Variants in SRP72 observed in about 807,000 individuals in gnomAD.
SRP72 encodes the protein signal recognition particle 72, also known as signal recognition particle subunit SRP72.
SRP72 carries 49 observed loss-of-function variants against 96.3 expected under a neutral mutation model. That is an observed-to-expected ratio of 0.51 (90% CI 0.40 to 0.65). The LOEUF is 0.65. Ranked by LOEUF, SRP72 falls within the 30% of genes least tolerant of loss-of-function variation. The pLI, the probability that SRP72 is intolerant of heterozygous loss-of-function variation, is 0.00. For synonymous variants in SRP72, 267 were observed against 275.2 expected, an observed-to-expected ratio of 0.97 and a Z score of 0.30; for missense variants, 736 against 793.3, an observed-to-expected ratio of 0.93 and a Z score of 0.87.
intron 18 of SRP72, 101 bp from the exon 19 acceptor site, chr4:56,501,582 TG>T: frequency 1.0e-6 from 1 of 969,756 alleles, no homozygotes; most frequent in Non-Finnish European, 1.5e-6. Context: ...AGAAAATGTG[TG>T]GGAGATTGTT....
chr4:56,474,834 G>A (rs1258198541), intron 5 of SRP72, among the ~76,000 whole-genome samples: 5 of 152,158 alleles, frequency 3.3e-5, no homozygotes, highest in Non-Finnish European at 7.4e-5. Flanking sequence ...ACAGGCGCAT[G>A]CCAGAAATGC....
Position 56,478,598 on chromosome 4 carries a change from A to G in SRP72, c.774A>G (p.Thr258=), listed in dbSNP as rs751757985. Residue 258 remains threonine (T), a synonymous_variant, in exon 8 of 19, where the codon ACA becomes ACG. Transcript: ENST00000642900. ...TGTTGCTTGTTGTTCACAGACCAAC[A>G]GATGTGGGATTACTAGCTGTAATTG... ...LYNQIIKLKP[T]DVGLLAVIAN... The G allele has an allele frequency of 1.2e-6, 2 of 1,614,094 alleles. No homozygotes were observed. Among genetic ancestry groups the G allele is most frequent in the Admixed American group, 3.3e-5 (2 of 60,028 alleles).
At chr4:56,498,727 C>T (rs1007182098) in intron 17 of SRP72, among the ~76,000 whole-genome samples, 5 of 152,136 alleles carry the variant, frequency 3.3e-5, no homozygotes, top group African/African-American at 1.2e-4. Flanking sequence ...TGTGAAGGAC[C>T]TCTTCAAGGA....
Position 56,502,722 on chromosome 4 carries a change from C to T in SRP72, c.*861C>T, listed in dbSNP as rs1445826059. Reference sequence around the variant, plus strand: ...TTATCAAGAACATGAACATTGGCTTCCTCCATAGAGAAGAAATCAGTATCT... The same window carrying T: ...TTATCAAGAACATGAACATTGGCTTTCTCCATAGAGAAGAAATCAGTATCT... On this transcript the variant is annotated 3_prime_UTR_variant, in exon 19 of 19. Coordinates refer to ENST00000642900, the MANE Select transcript of SRP72 (RefSeq NM_006947.4). 6.6e-6 allele frequency: 1 copy of T among 151,934 alleles called. No individual in the cohort carries two copies. The highest frequency in any genetic ancestry group is 1.5e-5 in the Non-Finnish European group (1 of 67,986). The allele number at this position is 151,934 out of a possible 1,614,324, so 9.4% of individuals were successfully genotyped here. A position where few individuals can be genotyped will look rare whatever the true frequency, so the allele number is the denominator to read the frequency against.
Position 56,497,020 on chromosome 4 carries a change from A to G in SRP72, c.1678+1626A>G, listed in dbSNP as rs555231273. On this transcript the variant is annotated intron_variant, in intron 17 of 18. Transcript: ENST00000642900. Reference sequence around the variant, plus strand: ...AAAAAAAAGCATGCTCCCAGAGACAATTACTTAACTTTTTTATGTGTGTTT... The same window carrying G: ...AAAAAAAAGCATGCTCCCAGAGACAGTTACTTAACTTTTTTATGTGTGTTT... Among the ~76,000 whole-genome samples the G allele has an allele frequency of 2.6e-5, 4 of 152,160 alleles. No homozygotes were observed. The East Asian group carries it at 5.8e-4, about 22-fold the overall frequency.
chr4:56,481,808 C>T (rs183730895), intron 8 of SRP72, among the ~76,000 whole-genome samples: 2,819 of 136,058 alleles, frequency 0.021, 91 homozygotes, highest in African/African-American at 0.073. Flanking sequence ...GTCTCGCTCT[C>T]TTGCCCAGGC....
chr4:56,476,761 G>A, intron 6 of SRP72, 59 bp downstream of exon 6: 2 of 1,552,884 alleles, frequency 1.3e-6, no homozygotes, highest in Non-Finnish European at 8.8e-7. Context: ...ATAGATTACT[G>A]AGGCTTCATT....
rs907758417 is a variant in SRP72, at chr4:56,471,744, A to G, written c.255A>G (p.Ala85=). Residue 85 remains alanine, a synonymous_variant, in exon 3 of 19, where the codon GCA becomes GCG. Coordinates refer to ENST00000642900, the MANE Select transcript of SRP72 (RefSeq NM_006947.4). Reference sequence around the variant, plus strand: ...GTAACTCTCTCTCCTTTGAAAAGGCATATTGCGAGTACAGGCTGAACAGAA... The same window carrying G: ...GTAACTCTCTCTCCTTTGAAAAGGCGTATTGCGAGTACAGGCTGAACAGAA... ...LANNSLSFEK[A]YCEYRLNRIE... The G allele has an allele frequency of 6.2e-6, 10 of 1,613,712 alleles. No individual in the cohort carries two copies. The highest frequency in any genetic ancestry group is 1.6e-4 in the Middle Eastern group (1 of 6,082).
chr4:56,494,700 A>G (rs1721019697), intron 16 of SRP72, among the ~76,000 whole-genome samples: 1 of 152,164 alleles, frequency 6.6e-6, no homozygotes, highest in African/African-American at 2.4e-5. Flanking sequence ...CACTGTTCCC[A>G]GCCACTTTCA....
intron 5 of SRP72, among the ~76,000 whole-genome samples, chr4:56,474,673 A>G (rs1720136322): frequency 6.6e-6 from 1 of 151,964 alleles, no homozygotes; most frequent in Admixed American, 6.6e-5. Context: ...CCTCCCGAGT[A>G]GCTGGGATTA....
intron 9 of SRP72, 59 bp from the exon 10 acceptor site, chr4:56,484,677 T>G: frequency 6.2e-7 from 1 of 1,601,416 alleles, no homozygotes; most frequent in Non-Finnish European, 8.5e-7. Flanking sequence ...TTTCTGGTCA[T>G]TTAGTGTTTA....
At position 56,484,026 on chromosome 4, in the gene SRP72, A is replaced by ATTTT. The variant is rs539665243; in HGVS notation, c.958-688_958-685dup. Among the ~76,000 whole-genome samples, 31 of 86,610 alleles carry ATTTT rather than the reference A, an allele frequency of 3.6e-4. 1 individual carries two copies. Among genetic ancestry groups the ATTTT allele is most frequent in the South Asian group, 1.3e-3 (3 of 2,340 alleles). The allele number at this position is 86,610 out of a possible 152,430, so 56.8% of individuals were successfully genotyped here. On this transcript the variant is annotated intron_variant, in intron 9 of 18. Coordinates refer to ENST00000642900, the MANE Select transcript of SRP72 (RefSeq NM_006947.4). ...TTTAGTGGGAGACAGAGAAGCAGTA[A>ATTTT]TTTTTTTTTTTTTTTTTTTTTTTTT...
intron 1 of SRP72, 134 bp from the exon 2 acceptor site, chr4:56,469,519 A>C (rs7690304): frequency 1.3e-6 from 1 of 754,406 alleles, no homozygotes; most frequent in Middle Eastern, 3.4e-4. Flanking sequence ...TGTTTCTTCC[A>C]GTTGTTCTGA....
At chr4:56,491,938 G>A (rs1484311311) in intron 16 of SRP72, among the ~76,000 whole-genome samples, 1 of 152,050 alleles carries the variant, frequency 6.6e-6, no homozygotes, top group Non-Finnish European at 1.5e-5. Flanking sequence ...TTGGCTCAGT[G>A]CAGCCTCCGC....
chr4:56,471,245 G>T (rs1719961888), intron 2 of SRP72, among the ~76,000 whole-genome samples: 1 of 152,212 alleles, frequency 6.6e-6, no homozygotes. Context: ...GTGTATGTTA[G>T]TAGTGTTTAC....
intron 2 of SRP72, 132 bp from the exon 3 acceptor site, chr4:56,471,588 C>T: frequency 2.0e-6 from 2 of 981,264 alleles, no homozygotes; most frequent in Non-Finnish European, 2.9e-6. Flanking sequence ...GATATTTAGA[C>T]AAGTCTCTAA....
At chr4:56,486,515 C>G (rs979734834) in intron 11 of SRP72, 118 bp downstream of exon 11, 3 of 727,308 alleles carry the variant, frequency 4.1e-6, no homozygotes, top group Non-Finnish European at 6.3e-6. Context: ...ATAATAATTA[C>G]TGTTTCAAAC....
intron 3 of SRP72, among the ~76,000 whole-genome samples, chr4:56,472,841 T>C (rs547520983): frequency 6.6e-6 from 1 of 152,280 alleles, no homozygotes; most frequent in South Asian, 2.1e-4. Flanking sequence ...ATTTTGAGGT[T>C]AAGGACATCA....
chr4:56,469,584 G>A (rs547867792), intron 1 of SRP72, 69 bp from the exon 2 acceptor site: 1 of 1,436,094 alleles, frequency 7.0e-7, no homozygotes, highest in Admixed American at 1.9e-5. Flanking sequence ...GAGACAGGGT[G>A]GGAAAATTTA....
Sources: allele counts gnomAD v4.1 joint callset (sites outside exome capture counted in the v4.1 genomes callset), GRCh38; gene constraint gnomAD v4.1.1; transcripts MANE v1.5; gene names NCBI Gene and HGNC (gene_info 2026-07-23, HGNC 2026-07-21).